SMARCAD1: variants seen among roughly 807,000 people sequenced by gnomAD.
SMARCAD1 encodes the protein SNF2 related chromatin remodeling ATPase with DExD box 1, also known as SWI/SNF-related matrix-associated actin-dependent regulator of chromatin subfamily A containing DEAD/H box 1.
A neutral mutation model predicts 127.1 loss-of-function variants in SMARCAD1; 25 were observed. That is an observed-to-expected ratio of 0.20 (90% CI 0.14 to 0.27). The LOEUF is 0.27. SMARCAD1 is among the 10% of genes least tolerant of loss of function. The pLI, the probability that SMARCAD1 is intolerant of heterozygous loss-of-function variation, is 1.00. For missense variants in SMARCAD1, 807 were observed against 1,206.0 expected (o/e 0.67, Z 4.90); for synonymous variants, 400 against 396.9 (o/e 1.01, Z -0.09).
At chr4:94,270,479 T>G in intron 10 of SMARCAD1, 2 of 416,888 alleles carry the variant, frequency 4.8e-6, no homozygotes, top group Non-Finnish European at 8.9e-6. Flanking sequence ...GGAGGTACTA[T>G]ATTATGACCA....
chr4:94,270,126 ACAT>A (rs1379338827), intron 10 of SMARCAD1, among the ~76,000 whole-genome samples: 2 of 151,686 alleles, frequency 1.3e-5, no homozygotes, highest in African/African-American at 2.4e-5. Flanking sequence ...ACATCAGTGA[ACAT>A]CAGTGAGTAG....
intron 2 of SMARCAD1, among the ~76,000 whole-genome samples, chr4:94,215,325 G>T (rs376536310): frequency 6.6e-6 from 1 of 152,120 alleles, no homozygotes; most frequent in Non-Finnish European, 1.5e-5. Context: ...CATTTTAAAT[G>T]TGCATGTATT....
Position 94,270,836 on chromosome 4 carries a change from C to A in SMARCAD1, c.1572+18C>A. The A allele has an allele frequency of 1.2e-6, 2 of 1,603,270 alleles. No homozygotes were observed. On this transcript the variant is annotated intron_variant, in intron 11 of 23. Transcript: ENST00000354268. ...ATGAAATGGTAAGTGTACTTTATTT[C>A]TAAGATTTGTTGTTGAAAGTGTCAT...
chr4:94,289,609 C>A lies in SMARCAD1; in HGVS notation c.*75C>A. On this transcript the variant is annotated 3_prime_UTR_variant, in exon 24 of 24. Transcript: ENST00000354268. ...CTCAAGGACATTTACATTATGATGA[C>A]CATGGGGTTTATGAACATTTATAAC... 8.3e-7 allele frequency: 1 copy of A among 1,211,300 alleles called. No homozygotes were observed. The highest frequency in any genetic ancestry group is 1.2e-6 in the Non-Finnish European group (1 of 813,216). 75.0% of individuals were successfully genotyped at this position (1,211,300 alleles called of 1,614,324 possible). A position where few individuals can be genotyped will look rare whatever the true frequency, so the allele number is the denominator to read the frequency against.
At chr4:94,233,914 A>C in intron 3 of SMARCAD1, 40 bp from the exon 4 acceptor site, 1 of 1,590,426 alleles carries the variant, frequency 6.3e-7, no homozygotes, top group Non-Finnish European at 8.6e-7. Flanking sequence ...CATTAGTAAT[A>C]CATTAAAAAT....
At chr4:94,233,467 GT>G (rs1244872511) in intron 3 of SMARCAD1, among the ~76,000 whole-genome samples, 1 of 152,140 alleles carries the variant, frequency 6.6e-6, no homozygotes, top group Non-Finnish European at 1.5e-5. Context: ...GAAATGTTTT[GT>G]TTCTGGCAGA....
At position 94,255,538 on chromosome 4, in the gene SMARCAD1, A is replaced by G. The variant is rs562411337; in HGVS notation, c.1281+2531A>G. ...GGGTTGTTTTCAAGGTAGTAGACAT[A>G]TAAATGTAATATAAGTGTAGTAGAT... On this transcript the variant is annotated intron_variant, in intron 9 of 23. Coordinates refer to ENST00000354268, the MANE Select transcript of SMARCAD1 (RefSeq NM_020159.5). Among the ~76,000 whole-genome samples the G allele has an allele frequency of 2.0e-4, 30 of 151,906 alleles. 1 individual carries two copies. The South Asian group carries it at 6.2e-3, about 32-fold the overall frequency.
chr4:94,274,701 T>C (rs751035082), intron 12 of SMARCAD1, 37 bp from the exon 13 acceptor site: 27 of 1,564,486 alleles, frequency 1.7e-5, no homozygotes, highest in Non-Finnish European at 2.2e-5. Context: ...CATACCCTAT[T>C]GTAGCAGATG....
In SMARCAD1 at chr4:94,244,688, G is replaced by A. The variant is rs540738113; in HGVS notation, c.705+3682G>A. Among the ~76,000 whole-genome samples, 3 of 151,714 alleles carry A rather than the reference G, an allele frequency of 2.0e-5. No homozygotes were observed. In the South Asian group the frequency reaches 6.2e-4, roughly 32 times the overall value. On this transcript the variant is annotated intron_variant, in intron 6 of 23. Coordinates refer to ENST00000354268, the MANE Select transcript of SMARCAD1 (RefSeq NM_020159.5). ...GTATAGCAAAAATGTATGGATGGCT[G>A]CCCACATTTGCATTTATATTTTTAC...
At chr4:94,214,050 A>AT (rs1454855504) in intron 2 of SMARCAD1, among the ~76,000 whole-genome samples, 1 of 152,148 alleles carries the variant, frequency 6.6e-6, no homozygotes, top group Non-Finnish European at 1.5e-5. Flanking sequence ...GTTGTCTAGT[A>AT]ACAAATCCTG....
At chr4:94,222,911 C>A (rs888599249) in intron 2 of SMARCAD1, among the ~76,000 whole-genome samples, 2 of 152,046 alleles carry the variant, frequency 1.3e-5, no homozygotes, top group Admixed American at 6.6e-5. Context: ...TTGCAGGGAG[C>A]TGAGATTGTG....
chr4:94,210,737 C>T (rs1383768308), intron 2 of SMARCAD1, among the ~76,000 whole-genome samples: 4 of 151,662 alleles, frequency 2.6e-5, no homozygotes, highest in African/African-American at 9.7e-5. Flanking sequence ...ATCACAAGAC[C>T]AGCCTGGCCA....
intron 2 of SMARCAD1, among the ~76,000 whole-genome samples, chr4:94,223,817 G>A (rs138729457): frequency 0.012 from 1,677 of 145,388 alleles, 35 homozygotes; most frequent in African/African-American, 0.041. Context: ...TCCTGACCTT[G>A]TGATCCGCCC....
intron 1 of SMARCAD1, 112 bp from the exon 2 acceptor site, chr4:94,208,234 G>C: frequency 1.3e-6 from 1 of 778,682 alleles, no homozygotes; most frequent in Non-Finnish European, 2.3e-6. Context: ...TAACAGTCCT[G>C]AGCCACTGGC....
intron 2 of SMARCAD1, among the ~76,000 whole-genome samples, chr4:94,209,488 C>CT (rs1403338285): frequency 1.3e-5 from 2 of 152,112 alleles, no homozygotes; most frequent in African/African-American, 4.8e-5. Flanking sequence ...TCAGTAATAT[C>CT]TTTTTTTATG....
chr4:94,283,097 T>C, intron 21 of SMARCAD1, 24 bp from the exon 22 acceptor site: 2 of 1,590,666 alleles, frequency 1.3e-6, no homozygotes, highest in Non-Finnish European at 1.7e-6. Context: ...TAGTGAGATT[T>C]AACCTAATTT....
chr4:94,236,058 A>G (rs189082376), intron 4 of SMARCAD1, among the ~76,000 whole-genome samples: 1 of 152,260 alleles, frequency 6.6e-6, no homozygotes, highest in East Asian at 1.9e-4. Context: ...AATCCATGTA[A>G]AAGAATTCAA....
In SMARCAD1 at chr4:94,278,802, T is replaced by C. The variant is rs188684860; in HGVS notation, c.2296+69T>C. The C allele has an allele frequency of 2.5e-6, 4 of 1,598,104 alleles. No individual in the cohort carries two copies. In the Admixed American group the frequency reaches 5.0e-5, roughly 20 times the overall value. On this transcript the variant is annotated intron_variant, in intron 18 of 23. Coordinates refer to ENST00000354268, the MANE Select transcript of SMARCAD1 (RefSeq NM_020159.5). ...ACTGGGGATGCATTTTGTTTAGTCATATAATGGGATTTGTGCATTTTAAAA... is the reference window on the plus strand; with the variant it reads ...ACTGGGGATGCATTTTGTTTAGTCACATAATGGGATTTGTGCATTTTAAAA...
At chr4:94,212,146 A>G (rs1332790588) in intron 2 of SMARCAD1, among the ~76,000 whole-genome samples, 1 of 152,108 alleles carries the variant, frequency 6.6e-6, no homozygotes, top group Non-Finnish European at 1.5e-5. Context: ...AGTGGGCATT[A>G]TTAGTACTTT....
Sources: allele counts gnomAD v4.1 joint callset (sites outside exome capture counted in the v4.1 genomes callset), GRCh38; gene constraint gnomAD v4.1.1; transcripts MANE v1.5; gene names NCBI Gene and HGNC (gene_info 2026-07-23, HGNC 2026-07-21).